The following LIMK1 variants were observed in gnomAD, a reference collection of about 807,000 sequenced individuals.
LIMK1 encodes LIM domain kinase 1.
In LIMK1, 21 loss-of-function variants were observed where a neutral mutation model predicts 77.6. The ratio of observed to expected loss-of-function variants is 0.27; its 90% CI spans 0.19 to 0.39. The LOEUF (loss-of-function observed/expected upper bound fraction) is 0.39. Among genes scored for constraint, LIMK1 ranks in the 10% least tolerant of loss-of-function variants. The pLI is 1.00. For missense variants in LIMK1, 696 were observed against 901.6 expected (o/e 0.77, Z 2.92); for synonymous variants, 358 against 370.0 (o/e 0.97, Z 0.37).
At chr7:74,084,643 C>T (rs1554693810) in intron 1 of LIMK1, among the ~76,000 whole-genome samples, 3 of 152,202 alleles carry the variant, frequency 2.0e-5, no homozygotes, top group African/African-American at 4.8e-5. Flanking sequence ...CTGTCCGTGC[C>T]CCAAACCCGG....
chr7:74,116,020 G>T lies in LIMK1; in HGVS notation c.1567+62G>T, dbSNP rs1584131608. ...GGAAGCCATGGGGGAGCCCAGGAGA[G>T]CTGTAACCTCCCAAGCCCCTGGCCC... On this transcript the variant is annotated intron_variant, in intron 13 of 15. Coordinates refer to ENST00000336180, the MANE Select transcript of LIMK1 (RefSeq NM_002314.4). 1.9e-5 allele frequency: 29 copies of T among 1,550,836 alleles called. No individual in the cohort carries two copies. The East Asian group carries it at 2.5e-4, about 13-fold the overall frequency.
chr7:74,093,376 G>A (rs1456809258), intron 2 of LIMK1: 7 of 1,501,950 alleles, frequency 4.7e-6, no homozygotes, highest in African/African-American at 4.1e-5. Context: ...GCTGGAAGCC[G>A]ACCCACCTAG....
chr7:74,098,598 G>C (rs1799382251), intron 4 of LIMK1, among the ~76,000 whole-genome samples: 1 of 152,162 alleles, frequency 6.6e-6, no homozygotes, highest in Non-Finnish European at 1.5e-5. Context: ...TATAATCCCA[G>C]CACTTTGGGA....
chr7:74,086,944 G>A (rs1473108115), intron 2 of LIMK1, among the ~76,000 whole-genome samples: 2 of 152,172 alleles, frequency 1.3e-5, no homozygotes, highest in African/African-American at 4.8e-5. Flanking sequence ...CCACAGGTAG[G>A]AAGAAAGTAG....
At chr7:74,110,263 G>A (rs1799667589) in intron 10 of LIMK1, 1 of 152,110 alleles carries the variant, frequency 6.6e-6, no homozygotes, top group African/African-American at 2.4e-5. Flanking sequence ...GGCTGAGGCA[G>A]AAGGATCACT....
chr7:74,087,864 A>G (rs1445694881), intron 2 of LIMK1, among the ~76,000 whole-genome samples: 1 of 152,068 alleles, frequency 6.6e-6, no homozygotes, highest in African/African-American at 2.4e-5. Context: ...TGCTGGAATT[A>G]CAGGCATGAG....
intron 1 of LIMK1, among the ~76,000 whole-genome samples, chr7:74,084,876 G>A (rs1337410765): frequency 6.6e-6 from 1 of 152,030 alleles, no homozygotes; most frequent in African/African-American, 2.4e-5. Flanking sequence ...ACCTCCCCCT[G>A]CCACCAACTC....
At chr7:74,100,972 C>T (rs933371995) in intron 5 of LIMK1, among the ~76,000 whole-genome samples, 2 of 147,302 alleles carry the variant, frequency 1.4e-5, no homozygotes, top group Non-Finnish European at 3.0e-5. Context: ...CTCCTGACCT[C>T]GTGATCCGCC....
chr7:74,115,648 G>T, intron 12 of LIMK1, 154 bp from the exon 13 acceptor site: 1 of 716,348 alleles, frequency 1.4e-6, no homozygotes, highest in East Asian at 2.7e-5. Context: ...GGATGGGTTT[G>T]GGGAAGGAAG....
In LIMK1 at chr7:74,098,923, A is replaced by G. The variant is rs1584114112; in HGVS notation, c.402-109A>G. The G allele has an allele frequency of 1.7e-5, 15 of 890,934 alleles. No individual in the cohort carries two copies. In the East Asian group the frequency reaches 3.6e-4, roughly 22 times the overall value. The allele number at this position is 890,934 out of a possible 1,614,324, so 55.2% of individuals were successfully genotyped here. On this transcript the variant is annotated intron_variant, in intron 4 of 15. Coordinates refer to ENST00000336180, the MANE Select transcript of LIMK1 (RefSeq NM_002314.4). ...GTGAGACTCCATCTCAAAAAAAAAAAAAAAAAAGGAAGGGATTGGGGGAAG... is the reference window on the plus strand; with the variant it reads ...GTGAGACTCCATCTCAAAAAAAAAAGAAAAAAAGGAAGGGATTGGGGGAAG...
chr7:74,121,536 G>A lies in LIMK1; in HGVS notation c.*235G>A, dbSNP rs1799940044. ...ATGCTCTCGCCCTGCTGTAACCTCT[G>A]TCTTGGCAGGGCTGTCCCCTCTTGC... On this transcript the variant is annotated 3_prime_UTR_variant, in exon 16 of 16. Coordinates refer to ENST00000336180, the MANE Select transcript of LIMK1 (RefSeq NM_002314.4). 3.9e-6 allele frequency: 2 copies of A among 514,988 alleles called. No homozygotes were observed. Among genetic ancestry groups the A allele is most frequent in the Admixed American group, 7.1e-5 (2 of 28,132 alleles). 31.9% of individuals were successfully genotyped at this position (514,988 alleles called of 1,614,324 possible).
chr7:74,087,884 C>T (rs1799161925), intron 2 of LIMK1, among the ~76,000 whole-genome samples: 1 of 152,000 alleles, frequency 6.6e-6, no homozygotes, highest in African/African-American at 2.4e-5. Context: ...GCCACTGCAC[C>T]TGGCCTCGGT....
At chr7:74,100,922 A>G (rs1799447227) in intron 5 of LIMK1, among the ~76,000 whole-genome samples, 1 of 150,774 alleles carries the variant, frequency 6.6e-6, no homozygotes, top group African/African-American at 2.4e-5. Flanking sequence ...TATATTTAGT[A>G]GAGACAGGGT....
At chr7:74,104,013 G>A (rs951189743) in intron 5 of LIMK1, among the ~76,000 whole-genome samples, 19 of 151,778 alleles carry the variant, frequency 1.3e-4, no homozygotes, top group African/African-American at 4.1e-4. Flanking sequence ...GGCTGGTCTC[G>A]AACTCCTGAC....
chr7:74,107,345 T>C, intron 8 of LIMK1, 152 bp downstream of exon 8: 1 of 807,524 alleles, frequency 1.2e-6, no homozygotes, highest in Non-Finnish European at 1.9e-6. Context: ...TGGAGCTAAT[T>C]AGGAACAGGG....
At position 74,086,621 on chromosome 7, in the gene LIMK1, G is replaced by A. The variant is rs192547807; in HGVS notation, c.152+777G>A. ...AAGCAATCCTCCTGCCTTGGCCTCC[G>A]AAAGTGCTAGGCTTACAGGCGTGAG... On this transcript the variant is annotated intron_variant, in intron 2 of 15. Coordinates refer to ENST00000336180, the MANE Select transcript of LIMK1 (RefSeq NM_002314.4). Among the ~76,000 whole-genome samples the A allele has an allele frequency of 3.0e-4, 45 of 152,176 alleles. 1 individual carries two copies. The highest frequency in any genetic ancestry group is 2.4e-3 in the Admixed American group (37 of 15,264).
At chr7:74,115,701 C>A in intron 12 of LIMK1, 101 bp from the exon 13 acceptor site, 1 of 1,325,860 alleles carries the variant, frequency 7.5e-7, no homozygotes, top group Non-Finnish European at 1.1e-6. Context: ...GAGGTATGTT[C>A]TCTGGGCTGT....
At position 74,099,256 on chromosome 7, in the gene LIMK1, C is replaced by T. The variant is rs377130473; in HGVS notation, c.608+18C>T. The T allele has an allele frequency of 2.9e-5, 46 of 1,599,446 alleles. No individual in the cohort carries two copies. The highest frequency in any genetic ancestry group is 2.4e-4 in the African/African-American group (18 of 74,866). On this transcript the variant is annotated intron_variant, in intron 5 of 15. Coordinates refer to ENST00000336180, the MANE Select transcript of LIMK1 (RefSeq NM_002314.4). Reference sequence around the variant, plus strand: ...GTCCAGGGGTGAGTGGCCGGCCTGCCGAGGCTGCCGTCGGTGTGGCTATGG... The same window carrying T: ...GTCCAGGGGTGAGTGGCCGGCCTGCTGAGGCTGCCGTCGGTGTGGCTATGG...
intron 2 of LIMK1, 150 bp from the exon 3 acceptor site, chr7:74,096,472 G>C: frequency 2.0e-6 from 2 of 988,374 alleles, no homozygotes; most frequent in Non-Finnish European, 2.9e-6. Flanking sequence ...CTGCACTGCA[G>C]CCTGGCGACA....
Sources: gnomAD v4.1 joint callset for allele counts (sites outside exome capture counted in the v4.1 genomes callset) on GRCh38, gnomAD v4.1.1 for gene constraint, MANE v1.5 for transcripts, NCBI Gene and HGNC (gene_info 2026-07-23, HGNC 2026-07-21) for gene names.